PDPN: variants seen among roughly 807,000 people sequenced by gnomAD.
The protein encoded by PDPN is PA2.26 antigen.
Under a neutral mutation model 23.2 loss-of-function variants are expected in PDPN, and 12 were observed. That is an observed-to-expected ratio of 0.52 (90% CI 0.33 to 0.84). The LOEUF (loss-of-function observed/expected upper bound fraction) is 0.84. PDPN is among the 40% of genes least tolerant of loss of function. The pLI is 0.02. For missense variants in PDPN, 199 were observed against 212.2 expected (o/e 0.94, Z 0.39); for synonymous variants, 77 against 76.7 (o/e 1.00, Z -0.02).
chr1:13,605,569 A>C (rs1322587903), intron 1 of PDPN, among the ~76,000 whole-genome samples: 1 of 152,170 alleles, frequency 6.6e-6, no homozygotes, highest in African/African-American at 2.4e-5. Flanking sequence ...TATCTGCTCT[A>C]TCTCTCATTG....
chr1:13,598,738 C>T (rs1418195213), intron 1 of PDPN, among the ~76,000 whole-genome samples: 2 of 152,166 alleles, frequency 1.3e-5, no homozygotes, highest in African/African-American at 2.4e-5. Flanking sequence ...GCCCCATGCT[C>T]GTTCTGGGCT....
intron 1 of PDPN, among the ~76,000 whole-genome samples, chr1:13,604,019 T>G (rs1026201651): frequency 6.6e-6 from 1 of 152,204 alleles, no homozygotes; most frequent in African/African-American, 2.4e-5. Context: ...GGTGTTTATG[T>G]GAGCACGCTG....
intron 1 of PDPN, 87 bp downstream of exon 1, chr1:13,584,187 A>C (rs1640114674): frequency 6.5e-7 from 1 of 1,540,628 alleles, no homozygotes; most frequent in Admixed American, 1.9e-5. Context: ...CTGGTATTCG[A>C]GGTTGTCCAG....
chr1:13,587,468 C>T (rs868772960), intron 1 of PDPN, among the ~76,000 whole-genome samples: 1 of 152,046 alleles, frequency 6.6e-6, no homozygotes, highest in Non-Finnish European at 1.5e-5. Flanking sequence ...TGTGGAAATA[C>T]GACGGGGGAG....
chr1:13,614,353 A>T lies in PDPN; in HGVS notation c.424A>T (p.Ile142Phe), dbSNP rs1475617455. 1.2e-6 allele frequency: 2 copies of T among 1,610,344 alleles called. No individual in the cohort carries two copies. The highest frequency in any genetic ancestry group is 1.7e-6 in the Non-Finnish European group (2 of 1,176,630). ...VGIIVGVLLA[I>F]GFIGAIIVVV... The stretch of plus-strand genomic sequence containing the variant: ...AATCATAGTTGGGGTCTTACTAGCC[A>T]TCGGCTTCATTGGTGCAATCATCGT... Residue 142 changes from isoleucine to phenylalanine, a missense_variant, in exon 5 of 6, where the codon ATC (isoleucine) becomes TTC (phenylalanine). Coordinates refer to ENST00000621990, the MANE Select transcript of PDPN (RefSeq NM_006474.5).
intron 1 of PDPN, among the ~76,000 whole-genome samples, chr1:13,590,843 G>C (rs1640322690): frequency 1.4e-5 from 2 of 138,776 alleles, no homozygotes; most frequent in African/African-American, 5.2e-5. Context: ...TAGTTTGTGG[G>C]ACCAGTCTAG....
intron 5 of PDPN, 199 bp downstream of exon 5, chr1:13,614,610 G>T: frequency 2.0e-6 from 1 of 503,632 alleles, no homozygotes; most frequent in Non-Finnish European, 3.6e-6. Context: ...CTGGTACAAT[G>T]GTCATGTTCC....
chr1:13,602,383 A>G (rs1252995542), intron 1 of PDPN, among the ~76,000 whole-genome samples: 1 of 152,190 alleles, frequency 6.6e-6, no homozygotes, highest in East Asian at 1.9e-4. Flanking sequence ...TAAGGTATGA[A>G]CAGTGCTTAT....
chr1:13,593,749 C>T (rs976052846), intron 1 of PDPN, among the ~76,000 whole-genome samples: 2 of 152,136 alleles, frequency 1.3e-5, no homozygotes, highest in Non-Finnish European at 2.9e-5. Flanking sequence ...ATTCAGTTTC[C>T]GAGCAGACGG....
At chr1:13,588,373 G>A (rs1391234656) in intron 1 of PDPN, among the ~76,000 whole-genome samples, 1 of 151,840 alleles carries the variant, frequency 6.6e-6, no homozygotes, top group African/African-American at 2.4e-5. Flanking sequence ...TGAGAACAGG[G>A]CACTTCCCAC....
At chr1:13,607,764 A>C (rs538792483) in intron 2 of PDPN, among the ~76,000 whole-genome samples, 1 of 152,072 alleles carries the variant, frequency 6.6e-6, no homozygotes, top group Non-Finnish European at 1.5e-5. Flanking sequence ...ATACAATGAA[A>C]GTTTTCTTGG....
rs747798312 is a variant in PDPN, at chr1:13,585,524, G to A, written c.67+1424G>A. ...GCTCACCAGGGCAAAGCAAGGGAGC[G>A]CCCTCACTTCAGCATCTCAGCCCTG... On this transcript the variant is annotated intron_variant, in intron 1 of 5. Transcript: ENST00000621990. The A allele has an allele frequency of 5.2e-6, 7 of 1,350,854 alleles. No homozygotes were observed. The South Asian group carries it at 5.7e-5, about 11-fold the overall frequency. The allele number at this position is 1,350,854 out of a possible 1,614,324, so 83.7% of individuals were successfully genotyped here.
chr1:13,593,095 G>A (rs1244702950), intron 1 of PDPN, among the ~76,000 whole-genome samples: 1 of 152,080 alleles, frequency 6.6e-6, no homozygotes. Flanking sequence ...TACATAACTT[G>A]TCTCTTAGAG....
chr1:13,586,483 T>G (rs1640182135), intron 1 of PDPN, among the ~76,000 whole-genome samples: 1 of 152,056 alleles, frequency 6.6e-6, no homozygotes, highest in South Asian at 2.1e-4. Flanking sequence ...ACTCCTTCCT[T>G]TCTTTGGCTT....
At chr1:13,595,022 A>G (rs1640456213) in intron 1 of PDPN, among the ~76,000 whole-genome samples, 2 of 151,978 alleles carry the variant, frequency 1.3e-5, no homozygotes, top group South Asian at 2.1e-4. Flanking sequence ...AGAAAGAAAA[A>G]AAAAACGAGA....
Position 13,615,941 on chromosome 1 carries a change from C to T in PDPN, c.*30C>T, listed in dbSNP as rs771182660. 2.9e-5 allele frequency: 46 copies of T among 1,609,052 alleles called. No homozygotes were observed. The highest frequency in any genetic ancestry group is 2.7e-4 in the East Asian group (12 of 44,846). ...CTGAAGGGTTACGCCCTGCTGCCAACGTGCTTAAAAAAAGACCGTTTCTGA... is the reference window on the plus strand; with the variant it reads ...CTGAAGGGTTACGCCCTGCTGCCAATGTGCTTAAAAAAAGACCGTTTCTGA... On this transcript the variant is annotated 3_prime_UTR_variant, in exon 6 of 6. Transcript: ENST00000621990.
chr1:13,605,576 A>C (rs1247356089), intron 1 of PDPN, among the ~76,000 whole-genome samples: 1 of 152,166 alleles, frequency 6.6e-6, no homozygotes, highest in African/African-American at 2.4e-5. Context: ...TCTATCTCTC[A>C]TTGTAGAATT....
At chr1:13,599,948 C>T (rs556835859) in intron 1 of PDPN, among the ~76,000 whole-genome samples, 3 of 152,316 alleles carry the variant, frequency 2.0e-5, no homozygotes, top group Non-Finnish European at 2.9e-5. Context: ...CAAAGCAACA[C>T]CTCCTTTAGA....
chr1:13,607,143 T>C (rs1640808874), intron 1 of PDPN, 30 bp from the exon 2 acceptor site: 6 of 1,607,206 alleles, frequency 3.7e-6, no homozygotes, highest in Admixed American at 1.7e-5. Flanking sequence ...AATTTCCACC[T>C]TAAGCTCTGA....
Sources: gnomAD v4.1 joint callset for allele counts (sites outside exome capture counted in the v4.1 genomes callset) on GRCh38, gnomAD v4.1.1 for gene constraint, MANE v1.5 for transcripts, NCBI Gene and HGNC (gene_info 2026-07-23, HGNC 2026-07-21) for gene names.